Variants in MBOAT2 observed in about 807,000 individuals in gnomAD.
MBOAT2 encodes the protein membrane-bound glycerophospholipid O-acyltransferase 2.
MBOAT2 carries 28 observed loss-of-function variants against 63.4 expected under a neutral mutation model. The observed-to-expected ratio is 0.44, with a 90% CI of 0.33 to 0.61. The LOEUF is 0.61. MBOAT2 is among the 20% of genes least tolerant of loss of function. The pLI is 0.03. For missense variants in MBOAT2, 470 were observed against 605.8 expected (o/e 0.78, Z 2.35); for synonymous variants, 211 against 215.6 (o/e 0.98, Z 0.19).
intron 3 of MBOAT2, among the ~76,000 whole-genome samples, chr2:8,913,023 C>A (rs1045394032): frequency 2.0e-5 from 3 of 152,066 alleles, no homozygotes; most frequent in African/African-American, 7.2e-5. Context: ...GAATAGAGAA[C>A]CCATAAATAA....
At chr2:8,864,816 G>T (rs1278843080) in intron 9 of MBOAT2, among the ~76,000 whole-genome samples, 1 of 151,880 alleles carries the variant, frequency 6.6e-6, no homozygotes, top group Non-Finnish European at 1.5e-5. Context: ...TCTCAGAGGG[G>T]GCCTTTCATC....
intron 1 of MBOAT2, among the ~76,000 whole-genome samples, chr2:8,979,748 C>T (rs1031029633): frequency 6.6e-6 from 1 of 152,030 alleles, no homozygotes; most frequent in Non-Finnish European, 1.5e-5. Context: ...AACTATACAG[C>T]GACATGTGGC....
chr2:8,997,133 G>A lies in MBOAT2; in HGVS notation c.75+6407C>T, dbSNP rs115862867. 1.2e-3 allele frequency among the ~76,000 whole-genome samples: 185 copies of A among 152,270 alleles called. 5 individuals are homozygous for A. The East Asian group carries it at 0.029, about 24-fold the overall frequency. On this transcript the variant is annotated intron_variant, in intron 1 of 12. Transcript: ENST00000305997. ...AGCCTGCTTCAATCACCCATAGCACGCATAAAAATCATTAAAAGACCACTC... is the reference window on the plus strand; with the variant it reads ...AGCCTGCTTCAATCACCCATAGCACACATAAAAATCATTAAAAGACCACTC...
chr2:8,884,195 CAAAAAAAAAAAAA>C (rs1169179642), intron 5 of MBOAT2, among the ~76,000 whole-genome samples: 74 of 22,110 alleles, frequency 3.3e-3, no homozygotes, highest in Non-Finnish European at 3.8e-3. Flanking sequence ...AAGACTCAGC[CAAAAAAAAAAAAA>C]AAAAAAAAAA....
At chr2:8,899,031 T>C (rs1001165976) in intron 4 of MBOAT2, among the ~76,000 whole-genome samples, 7 of 152,220 alleles carry the variant, frequency 4.6e-5, no homozygotes, top group African/African-American at 1.7e-4. Context: ...TAACAATATC[T>C]TGCAATCCTT....
intron 3 of MBOAT2, among the ~76,000 whole-genome samples, chr2:8,925,271 C>T (rs891962689): frequency 3.3e-5 from 5 of 152,306 alleles, no homozygotes; most frequent in Non-Finnish European, 7.3e-5. Context: ...GATCTCCCCA[C>T]CTGCCTGCAC....
chr2:8,877,335 AC>A, intron 6 of MBOAT2, 122 bp from the exon 7 acceptor site: 3 of 910,784 alleles, frequency 3.3e-6, no homozygotes, highest in South Asian at 3.6e-5. Context: ...TTTCATTTGT[AC>A]CCATACAATA....
chr2:8,995,746 A>G (rs1344439198), intron 1 of MBOAT2, among the ~76,000 whole-genome samples: 2 of 152,152 alleles, frequency 1.3e-5, no homozygotes, highest in East Asian at 3.9e-4. Context: ...ACCCGCCACC[A>G]TGCCCGGCCT....
intron 7 of MBOAT2, 67 bp from the exon 8 acceptor site, chr2:8,873,367 T>C: frequency 6.9e-7 from 1 of 1,458,006 alleles, no homozygotes; most frequent in South Asian, 1.3e-5. Flanking sequence ...CTATGTATTA[T>C]CGACAGATTA....
In MBOAT2 at chr2:8,862,187, T is replaced by C; in HGVS notation, c.1185+403A>G. On this transcript the variant is annotated intron_variant, in intron 11 of 12. Coordinates refer to ENST00000305997, the MANE Select transcript of MBOAT2 (RefSeq NM_138799.4). This position sits in a 1 kb window ranked among gnomAD's most constrained non-coding sequence, Gnocchi z 4.3. ...CTCTTCCAGTGTGGCTCATCCACTG[T>C]CTTGGCCTCGCACAGCCTAGTCTTC... The C allele has an allele frequency of 5.4e-6, 4 of 735,308 alleles. No individual in the cohort carries two copies. The highest frequency in any genetic ancestry group is 7.6e-6 in the Non-Finnish European group (4 of 523,702). 45.5% of individuals were successfully genotyped at this position (735,308 alleles called of 1,614,324 possible).
chr2:8,882,618 T>C, intron 5 of MBOAT2, 53 bp from the exon 6 acceptor site: 1 of 1,526,758 alleles, frequency 6.5e-7, no homozygotes, highest in Non-Finnish European at 9.1e-7. Flanking sequence ...CAAAATGGCA[T>C]TTTTGCCCAT....
At chr2:8,965,475 T>C (rs1015510670) in intron 1 of MBOAT2, among the ~76,000 whole-genome samples, 1 of 152,184 alleles carries the variant, frequency 6.6e-6, no homozygotes, top group African/African-American at 2.4e-5. Flanking sequence ...AGTTCCAAAG[T>C]TGAACCTGAT....
intron 1 of MBOAT2, among the ~76,000 whole-genome samples, chr2:8,974,589 A>C (rs1243748763): frequency 1.3e-5 from 2 of 152,186 alleles, no homozygotes; most frequent in African/African-American, 4.8e-5. Context: ...CTCTGGAAGG[A>C]TACCCAGTAA....
At chr2:8,995,932 A>G (rs1452140976) in intron 1 of MBOAT2, among the ~76,000 whole-genome samples, 2 of 152,244 alleles carry the variant, frequency 1.3e-5, no homozygotes, top group Non-Finnish European at 2.9e-5. Flanking sequence ...TGAACAGCCT[A>G]AAAACTTTGG....
chr2:9,002,933 C>CA (rs1672807714), intron 1 of MBOAT2, among the ~76,000 whole-genome samples: 1 of 152,202 alleles, frequency 6.6e-6, no homozygotes, highest in Non-Finnish European at 1.5e-5. Flanking sequence ...TCTGCCTTCC[C>CA]ACAAACTGTT....
intron 1 of MBOAT2, among the ~76,000 whole-genome samples, chr2:8,995,221 TCAATA>T (rs1672198465): frequency 6.6e-6 from 1 of 151,882 alleles, no homozygotes; most frequent in Non-Finnish European, 1.5e-5. Context: ...AATCAATCAA[TCAATA>T]CAATTTTTAA....
intron 1 of MBOAT2, among the ~76,000 whole-genome samples, chr2:8,965,133 A>G (rs879468854): frequency 1.3e-5 from 2 of 152,168 alleles, no homozygotes; most frequent in South Asian, 2.1e-4. Context: ...ACACGCATCA[A>G]TGTACTTCTT....
intron 4 of MBOAT2, among the ~76,000 whole-genome samples, chr2:8,901,913 G>T (rs1368396170): frequency 1.3e-5 from 2 of 152,230 alleles, no homozygotes; most frequent in African/African-American, 4.8e-5. Context: ...TGTCTGACAG[G>T]CATTAGGACC....
At chr2:8,952,698 T>C (rs1668924787) in intron 2 of MBOAT2, among the ~76,000 whole-genome samples, 1 of 152,148 alleles carries the variant, frequency 6.6e-6, no homozygotes, top group Admixed American at 6.5e-5. Flanking sequence ...TTGTATGTAA[T>C]TTTATGATTT....
Sources: gnomAD v4.1 joint callset for allele counts (sites outside exome capture counted in the v4.1 genomes callset) on GRCh38, gnomAD v4.1.1 for gene constraint, Gnocchi (gnomAD v3.1) non-coding constraint, MANE v1.5 for transcripts, NCBI Gene and HGNC (gene_info 2026-07-23, HGNC 2026-07-21) for gene names.